The following MAP4K3 variants were observed in gnomAD, a reference collection of about 807,000 sequenced individuals.
MAP4K3 encodes mitogen-activated protein kinase kinase kinase kinase 3.
MAP4K3 carries 94 observed loss-of-function variants against 143.5 expected under a neutral mutation model. That is an observed-to-expected ratio of 0.65 (90% confidence interval 0.55 to 0.78). MAP4K3 has a LOEUF of 0.78. MAP4K3 is among the 30% of genes least tolerant of loss of function. The probability of loss-of-function intolerance (pLI) is 0.00; values close to 1 mark genes in which losing one functional copy is unlikely to be tolerated. For synonymous variants in MAP4K3, 416 were observed against 347.2 expected (o/e 1.20, Z -2.20); for missense variants, 1,077 against 1,068.1 (o/e 1.01, Z -0.12).
Position 39,436,658 on chromosome 2 carries a change from G to A in MAP4K3, c.96+234C>T, listed in dbSNP as rs574417864. 8.3e-5 allele frequency: 46 copies of A among 551,858 alleles called. No individual in the cohort carries two copies. In the East Asian group the frequency reaches 1.5e-3, roughly 17 times the overall value. 34.2% of individuals were successfully genotyped at this position (551,858 alleles called of 1,614,324 possible). Reference sequence around the variant, plus strand: ...TGGAAATGCGCGCAAGAAGGGAGGTGGCAAAAATCATGTCCACCGGGGGGG... The same window carrying A: ...TGGAAATGCGCGCAAGAAGGGAGGTAGCAAAAATCATGTCCACCGGGGGGG... On this transcript the variant is annotated intron_variant, in intron 1 of 33. Transcript: ENST00000263881.
chr2:39,425,860 G>A (rs577808018), intron 1 of MAP4K3, among the ~76,000 whole-genome samples: 1 of 152,300 alleles, frequency 6.6e-6, no homozygotes, highest in African/African-American at 2.4e-5. Flanking sequence ...ACAGTAGAAT[G>A]TCAACCAATA....
intron 15 of MAP4K3, among the ~76,000 whole-genome samples, chr2:39,300,931 C>G (rs1411116937): frequency 6.6e-6 from 1 of 152,200 alleles, no homozygotes; most frequent in African/African-American, 2.4e-5. Flanking sequence ...TTGTTCCTGG[C>G]ACAAACTGAC....
Position 39,249,902 on chromosome 2 carries a change from C to T in MAP4K3, c.*716G>A, listed in dbSNP as rs1295123745. 1 of 152,330 alleles carries T rather than the reference C, an allele frequency of 6.6e-6. No individual in the cohort carries two copies. The highest frequency in any genetic ancestry group is 2.4e-5 in the African/African-American group (1 of 41,452). 9.4% of individuals were successfully genotyped at this position (152,330 alleles called of 1,614,324 possible). A position where few individuals can be genotyped will look rare whatever the true frequency, so the allele number is the denominator to read the frequency against. On this transcript the variant is annotated 3_prime_UTR_variant, in exon 34 of 34. Transcript: ENST00000263881. ...TTAAATATAAAAAGACCAGTTACTA[C>T]AACATGTGGTTAATTATAATTGGTT... is the stretch of plus-strand genomic sequence containing the variant.
chr2:39,427,906 T>C (rs1281256276), intron 1 of MAP4K3, among the ~76,000 whole-genome samples: 1 of 152,204 alleles, frequency 6.6e-6, no homozygotes, highest in Non-Finnish European at 1.5e-5. Context: ...TTAGAATAGT[T>C]GTCTTATTAC....
chr2:39,423,771 T>C (rs10175333), intron 1 of MAP4K3, among the ~76,000 whole-genome samples: 145,723 of 152,278 alleles, frequency 0.96, 70,080 homozygotes, highest in East Asian at 1. Context: ...CAGAGGAGAA[T>C]GGAAGATGAA....
intron 21 of MAP4K3, chr2:39,283,879 T>C (rs1039506921): frequency 6.6e-6 from 1 of 152,208 alleles, no homozygotes; most frequent in Non-Finnish European, 1.5e-5. Flanking sequence ...ATTCTAATTT[T>C]TCCCTAGAGC....
chr2:39,285,261 C>T (rs190531119), intron 21 of MAP4K3, among the ~76,000 whole-genome samples: 3 of 152,226 alleles, frequency 2.0e-5, no homozygotes. Context: ...ATGATAGAGC[C>T]ATGGACATAT....
intron 2 of MAP4K3, among the ~76,000 whole-genome samples, chr2:39,359,790 A>G (rs560681132): frequency 6.6e-6 from 1 of 152,352 alleles, no homozygotes; most frequent in East Asian, 1.9e-4. Flanking sequence ...GGCCTGAGCT[A>G]TACGTTGGCC....
intron 12 of MAP4K3, chr2:39,323,570 CATAAAGT>C (rs1257124769): frequency 6.6e-6 from 1 of 152,094 alleles, no homozygotes; most frequent in African/African-American, 2.4e-5. Context: ...ATTGAAATTG[CATAAAGT>C]ATAAACTTTA....
intron 2 of MAP4K3, among the ~76,000 whole-genome samples, chr2:39,368,587 T>C (rs1410354217): frequency 1.3e-5 from 2 of 152,026 alleles, no homozygotes; most frequent in East Asian, 1.9e-4. Context: ...GGAGGATCGC[T>C]TGAGCCCAGG....
At chr2:39,416,103 T>G (rs1045505643) in intron 1 of MAP4K3, among the ~76,000 whole-genome samples, 1 of 148,260 alleles carries the variant, frequency 6.7e-6, no homozygotes, top group African/African-American at 2.5e-5. Context: ...CTCATTCAAT[T>G]ATATGGTAAA....
intron 1 of MAP4K3, among the ~76,000 whole-genome samples, chr2:39,409,860 A>T (rs1300368315): frequency 6.6e-6 from 1 of 152,228 alleles, no homozygotes; most frequent in East Asian, 1.9e-4. Flanking sequence ...ATTCACAGGC[A>T]CTGAGATAAA....
intron 28 of MAP4K3, among the ~76,000 whole-genome samples, chr2:39,262,859 C>G (rs1680620770): frequency 6.6e-6 from 1 of 152,092 alleles, no homozygotes; most frequent in Non-Finnish European, 1.5e-5. Flanking sequence ...AATCCCAGCA[C>G]TTTGGGAGTA....
intron 1 of MAP4K3, among the ~76,000 whole-genome samples, chr2:39,386,183 C>T (rs943465422): frequency 1.3e-5 from 2 of 152,166 alleles, no homozygotes; most frequent in Admixed American, 6.5e-5. Flanking sequence ...CAGAGATATA[C>T]ATGCACAGTG....
chr2:39,271,435 T>C (rs1420117186), intron 26 of MAP4K3, among the ~76,000 whole-genome samples: 1 of 152,206 alleles, frequency 6.6e-6, no homozygotes, highest in East Asian at 1.9e-4. Context: ...AGAATAGGCA[T>C]ATTATAAAGT....
At chr2:39,363,377 C>A (rs1440780244) in intron 2 of MAP4K3, among the ~76,000 whole-genome samples, 1 of 150,910 alleles carries the variant, frequency 6.6e-6, no homozygotes, top group East Asian at 1.9e-4. Context: ...GATTCAAAAA[C>A]GAGCAAAGGG....
At chr2:39,276,259 T>G (rs543876535) in intron 24 of MAP4K3, among the ~76,000 whole-genome samples, 1 of 152,182 alleles carries the variant, frequency 6.6e-6, no homozygotes, top group Non-Finnish European at 1.5e-5. Flanking sequence ...AGCATTACCA[T>G]TCTCTTCAAA....
chr2:39,335,855 G>C (rs995735630), intron 6 of MAP4K3, among the ~76,000 whole-genome samples: 4 of 152,126 alleles, frequency 2.6e-5, no homozygotes, highest in African/African-American at 9.7e-5. Flanking sequence ...GCGCATAAGG[G>C]CATTTTCTCA....
At chr2:39,347,556 T>C (rs2148540952) in intron 3 of MAP4K3, among the ~76,000 whole-genome samples, 1 of 152,308 alleles carries the variant, frequency 6.6e-6, no homozygotes, top group East Asian at 1.9e-4. Context: ...AGTTGTTTTC[T>C]ACTCCTTTTG....
Sources: gnomAD v4.1 joint callset for allele counts (sites outside exome capture counted in the v4.1 genomes callset) on GRCh38, gnomAD v4.1.1 for gene constraint, MANE v1.5 for transcripts, NCBI Gene and HGNC (gene_info 2026-07-23, HGNC 2026-07-21) for gene names.